Variants in LPAR6 observed in about 807,000 individuals in gnomAD.
The protein encoded by LPAR6 is lysophosphatidic acid receptor 6, also known as G-protein coupled purinergic receptor P2Y5.
Under a neutral mutation model 22.0 loss-of-function variants are expected in LPAR6, and 17 were observed. That is an observed-to-expected ratio of 0.77 (90% CI 0.53 to 1.16). LPAR6 has a LOEUF of 1.16. Ranked by LOEUF, LPAR6 falls within the 50% of genes most tolerant of loss-of-function variation. The pLI, the probability that LPAR6 is intolerant of heterozygous loss-of-function variation, is 0.00. For synonymous variants in LPAR6, 136 were observed against 139.8 expected, an observed-to-expected ratio of 0.97 and a Z score of 0.19; for missense variants, 384 against 406.9, an observed-to-expected ratio of 0.94 and a Z score of 0.48.
chr13:48,406,656 C>G (rs190671162), downstream of LPAR6: 1 of 152,366 alleles, frequency 6.6e-6, no homozygotes, highest in Admixed American at 6.5e-5. Context: ...TCTCCAGCCA[C>G]TTTGAATGTT....
intron 1 of LPAR6, among the ~76,000 whole-genome samples, chr13:48,402,937 T>G (rs1412534409): frequency 6.6e-6 from 1 of 152,174 alleles, no homozygotes; most frequent in Non-Finnish European, 1.5e-5. Flanking sequence ...TTCATTTTTA[T>G]TTAAATAAAT....
intron 1 of LPAR6, among the ~76,000 whole-genome samples, chr13:48,392,163 T>A (rs1345388537): frequency 3.9e-5 from 6 of 151,980 alleles, no homozygotes; most frequent in Admixed American, 3.9e-4. Flanking sequence ...CAGGCTGGAG[T>A]GCAGTGGCAT....
intron 2 of LPAR6, among the ~76,000 whole-genome samples, chr13:48,419,676 T>C (rs1332519515): frequency 1.3e-5 from 2 of 151,904 alleles, no homozygotes; most frequent in African/African-American, 4.8e-5. Flanking sequence ...AAGAATCAAA[T>C]AGACACAATA....
chr13:48,408,723 T>C (rs144435537), downstream of LPAR6: 2 of 152,340 alleles, frequency 1.3e-5, no homozygotes, highest in East Asian at 1.9e-4. Flanking sequence ...CTGTTATGTA[T>C]TGCTTTATGA....
chr13:48,395,432 G>A (rs201990006), intron 1 of LPAR6, among the ~76,000 whole-genome samples: 12 of 152,130 alleles, frequency 7.9e-5, no homozygotes, highest in Admixed American at 2.6e-4. Context: ...AAACTCCTCC[G>A]AGCTAAAGGA....
chr13:48,435,826 A>G (rs920932968), intron 1 of LPAR6, among the ~76,000 whole-genome samples: 1 of 152,128 alleles, frequency 6.6e-6, no homozygotes, highest in Non-Finnish European at 1.5e-5. Context: ...TCCTTTTTCT[A>G]TTGATTTGCT....
At chr13:48,443,853 T>G (rs555464325) in intron 1 of LPAR6, among the ~76,000 whole-genome samples, 1 of 152,346 alleles carries the variant, frequency 6.6e-6, no homozygotes, top group East Asian at 1.9e-4. Flanking sequence ...ACATTTTTGT[T>G]GATGACATGC....
intron 1 of LPAR6, chr13:48,391,306 C>G (rs1161057711): frequency 6.6e-6 from 1 of 152,176 alleles, no homozygotes; most frequent in Non-Finnish European, 1.5e-5. Context: ...ATAAGCTCTA[C>G]AATACACTCA....
intron 1 of LPAR6, among the ~76,000 whole-genome samples, chr13:48,390,993 A>G (rs1207043680): frequency 6.6e-6 from 1 of 152,020 alleles, no homozygotes; most frequent in Non-Finnish European, 1.5e-5. Context: ...TAAATTCTCC[A>G]TCTTATTATT....
At chr13:48,428,999 A>G (rs1330637264), upstream of LPAR6, among the ~76,000 whole-genome samples, 1 of 152,210 alleles carries the variant, frequency 6.6e-6, no homozygotes, top group African/African-American at 2.4e-5. Flanking sequence ...GCTTGTGGCT[A>G]TAAAGCTATT....
chr13:48,430,186 A>G (rs771238128), upstream of LPAR6, among the ~76,000 whole-genome samples: 1 of 152,210 alleles, frequency 6.6e-6, no homozygotes, highest in African/African-American at 2.4e-5. Context: ...TTCTTTAGTT[A>G]TAAGGAGTCC....
At chr13:48,436,791 T>G (rs114961188) in intron 1 of LPAR6, among the ~76,000 whole-genome samples, 1 of 152,240 alleles carries the variant, frequency 6.6e-6, no homozygotes, top group Non-Finnish European at 1.5e-5. Context: ...TTTTCTATTC[T>G]AGTTTCCTCT....
Position 48,412,006 on chromosome 13 carries a change from C to A in LPAR6, c.418G>T (p.Val140Leu). 6.2e-7 allele frequency: 1 copy of A among 1,610,956 alleles called. No homozygotes were observed. Among genetic ancestry groups the A allele is most frequent in the African/African-American group, 1.3e-5 (1 of 74,936 alleles). ...CTTCCTCCGATCACAGTTAACCACACGCCAGTGCAAACAATCTTTGCATTT... is the reference window on the plus strand; with the variant it reads ...CTTCCTCCGATCACAGTTAACCACAAGCCAGTGCAAACAATCTTTGCATTT... ...KRNAKIVCTG[V>L]WLTVIGGSAP... The change falls in exon 1 of 1, where the codon GTG (valine) becomes TTG (leucine). Residue 140 changes from valine to leucine, a missense_variant. Val to Leu is a conservative substitution (Grantham distance 32). Transcript: ENST00000620633.
chr13:48,411,758 T>G lies in LPAR6; in HGVS notation c.666A>C (p.Ile222=). 1 of 1,611,108 alleles carries G rather than the reference T, an allele frequency of 6.2e-7. No homozygotes were observed. Among genetic ancestry groups the G allele is most frequent in the Non-Finnish European group, 8.5e-7 (1 of 1,177,406 alleles). ...TCATTTTTAAAACCTTAGTTTTGTT[T>G]ATTTTGCTTCTACTTAATGTAACAG... is the stretch of plus-strand genomic sequence containing the variant. ...TKPVTLSRSK[I]NKTKVLKMIF... Residue 222 remains isoleucine, a synonymous_variant, in exon 1 of 1, where the codon ATA becomes ATC. Transcript: ENST00000620633.
chr13:48,390,137 A>C (rs1948600178), intron 1 of LPAR6, among the ~76,000 whole-genome samples: 1 of 152,168 alleles, frequency 6.6e-6, no homozygotes. Context: ...GTAGAATGAG[A>C]TCCTGCCTCA....
chr13:48,412,429 A>C lies in LPAR6; in HGVS notation c.-6T>G. Reference sequence around the variant, plus strand: ...GAGCTGTTAACGCTTACCATCGTAAAGGCACGTCCAATTTTCAGTTTGGAA... The same window carrying C: ...GAGCTGTTAACGCTTACCATCGTAACGGCACGTCCAATTTTCAGTTTGGAA... On this transcript the variant is annotated 5_prime_UTR_variant, in exon 1 of 1. Transcript: ENST00000620633. 1 of 1,609,566 alleles carries C rather than the reference A, an allele frequency of 6.2e-7. No homozygotes were observed. Among genetic ancestry groups the C allele is most frequent in the African/African-American group, 1.3e-5 (1 of 74,938 alleles).
upstream of LPAR6, among the ~76,000 whole-genome samples, chr13:48,416,000 T>C (rs993002459): frequency 2.0e-5 from 3 of 152,228 alleles, no homozygotes; most frequent in African/African-American, 7.2e-5. Flanking sequence ...TAATAGATAC[T>C]TTTGTATTTG....
chr13:48,403,999 T>G, intron 1 of LPAR6, among the ~76,000 whole-genome samples: 1 of 152,056 alleles, frequency 6.6e-6, no homozygotes, highest in East Asian at 1.9e-4. Flanking sequence ...AGACACTGTC[T>G]CAAAGAAAAA....
intron 1 of LPAR6, among the ~76,000 whole-genome samples, chr13:48,433,026 A>G (rs1949146021): frequency 6.6e-6 from 1 of 152,126 alleles, no homozygotes; most frequent in African/African-American, 2.4e-5. Flanking sequence ...TTAGATAAGA[A>G]CTCTTTCTAC....
Sources: allele counts gnomAD v4.1 joint callset (sites outside exome capture counted in the v4.1 genomes callset), GRCh38; gene constraint gnomAD v4.1.1; transcripts MANE v1.5; gene names NCBI Gene and HGNC (gene_info 2026-07-23, HGNC 2026-07-21).